Variants in MIR2052HG observed in about 807,000 individuals in gnomAD.
MIR2052HG encodes MIR2052 host gene.
At chr8:74,713,461 A>C (rs1036087863) in intron 4 of MIR2052HG, among the ~76,000 whole-genome samples, 2 of 151,926 alleles carry the variant, frequency 1.3e-5, no homozygotes, top group Non-Finnish European at 2.9e-5. Context: ...ACCTATAAGC[A>C]CTTACATTAT....
chr8:74,629,085 T>C (rs1259779931), intron 2 of MIR2052HG, among the ~76,000 whole-genome samples: 1 of 152,132 alleles, frequency 6.6e-6, no homozygotes, highest in Non-Finnish European at 1.5e-5. Flanking sequence ...GTTGGTTGCT[T>C]TCACACAGAT....
intron 2 of MIR2052HG, among the ~76,000 whole-genome samples, chr8:74,686,898 GTTTGTTCTCA>G (rs540859307): frequency 2.5e-3 from 376 of 152,192 alleles, no homozygotes; most frequent in Non-Finnish European, 4.4e-3. Context: ...TTGATAATCT[GTTTGTTCTCA>G]TTTGCAGAAT....
intron 2 of MIR2052HG, among the ~76,000 whole-genome samples, chr8:74,662,747 C>A (rs1004420179): frequency 6.6e-6 from 1 of 151,708 alleles, no homozygotes; most frequent in South Asian, 2.1e-4. Flanking sequence ...CTTATTATAG[C>A]GGTTTTCTTT....
At chr8:74,746,850 C>T (rs1273992546) in intron 4 of MIR2052HG, among the ~76,000 whole-genome samples, 1 of 151,822 alleles carries the variant, frequency 6.6e-6, no homozygotes, top group Non-Finnish European at 1.5e-5. Context: ...TCTGAAGTAG[C>T]CAACTCTGAT....
At chr8:74,693,407 G>A (rs1273023100) in intron 2 of MIR2052HG, among the ~76,000 whole-genome samples, 1 of 152,062 alleles carries the variant, frequency 6.6e-6, no homozygotes, top group Non-Finnish European at 1.5e-5. Context: ...TCGATCTAAT[G>A]TGAAGTTTCC....
intron 4 of MIR2052HG, among the ~76,000 whole-genome samples, chr8:74,718,529 A>C (rs898408214): frequency 6.6e-6 from 1 of 152,244 alleles, no homozygotes; most frequent in African/African-American, 2.4e-5. Context: ...TTTTAAAGGA[A>C]TAAACCAGAA....
chr8:74,712,800 T>C (rs569041358), intron 4 of MIR2052HG, among the ~76,000 whole-genome samples: 51 of 152,098 alleles, frequency 3.4e-4, no homozygotes, highest in Non-Finnish European at 5.1e-4. Context: ...ATGTTCTATA[T>C]GACATTGATT....
chr8:74,754,785 CT>C (rs1280960203), intron 5 of MIR2052HG, among the ~76,000 whole-genome samples: 1 of 152,150 alleles, frequency 6.6e-6, no homozygotes, highest in African/African-American at 2.4e-5. Context: ...CCAATGCTTC[CT>C]GGATGATTTG....
At chr8:74,660,644 G>C (rs1018579348) in intron 2 of MIR2052HG, among the ~76,000 whole-genome samples, 2 of 152,300 alleles carry the variant, frequency 1.3e-5, no homozygotes, top group Non-Finnish European at 2.9e-5. Flanking sequence ...ATTGGAAAGG[G>C]TGTAGAGGAC....
At chr8:74,748,088 T>C (rs1809905282) in intron 4 of MIR2052HG, among the ~76,000 whole-genome samples, 1 of 152,214 alleles carries the variant, frequency 6.6e-6, no homozygotes, top group Non-Finnish European at 1.5e-5. Flanking sequence ...TTATGAATTT[T>C]ATGGCCTTTG....
chr8:74,716,509 G>C (rs1421703127), intron 4 of MIR2052HG, among the ~76,000 whole-genome samples: 1 of 152,106 alleles, frequency 6.6e-6, no homozygotes, highest in Non-Finnish European at 1.5e-5. Context: ...TCAGGAGTTT[G>C]AGATCAGCCT....
chr8:74,673,238 CA>C (rs2128738259), intron 2 of MIR2052HG, among the ~76,000 whole-genome samples: 1 of 152,132 alleles, frequency 6.6e-6, no homozygotes, highest in Admixed American at 6.6e-5. Context: ...TCACAATAAT[CA>C]TAAGGAACAG....
intron 2 of MIR2052HG, among the ~76,000 whole-genome samples, chr8:74,654,153 T>C (rs569444352): frequency 1.3e-5 from 2 of 152,120 alleles, no homozygotes; most frequent in Non-Finnish European, 2.9e-5. Context: ...AGTAGAGATA[T>C]GCTTTTTTCT....
intron 4 of MIR2052HG, among the ~76,000 whole-genome samples, chr8:74,712,433 C>A (rs1240525710): frequency 3.3e-5 from 5 of 152,092 alleles, no homozygotes; most frequent in Non-Finnish European, 7.3e-5. Context: ...CAACTACTTA[C>A]ATGAAATCAT....
At position 74,695,954 on chromosome 8, in the gene MIR2052HG, A is replaced by G. The variant is rs552358046; in HGVS notation, n.217-6425A>G. ...CAACAAAAAACAATGGACTTAAACTATACCCTAGAACAAATTAACTTAACA... is the reference window on the plus strand; with the variant it reads ...CAACAAAAAACAATGGACTTAAACTGTACCCTAGAACAAATTAACTTAACA... On this transcript the variant is annotated intron_variant and non_coding_transcript_variant, in intron 2 of 6. Coordinates refer to ENST00000523442, the Ensembl canonical transcript of MIR2052HG. Among the ~76,000 whole-genome samples, 170 of 152,260 alleles carry G rather than the reference A, an allele frequency of 1.1e-3. 1 individual carries two copies. Among genetic ancestry groups the G allele is most frequent in the African/African-American group, 3.9e-3 (164 of 41,576 alleles).
intron 2 of MIR2052HG, among the ~76,000 whole-genome samples, chr8:74,679,224 A>G (rs1809091103): frequency 6.6e-6 from 1 of 152,064 alleles, no homozygotes; most frequent in Admixed American, 6.6e-5. Flanking sequence ...CCCAGTGAGT[A>G]GTCTTTTATC....
chr8:74,627,259 C>T (rs1410856532), intron 2 of MIR2052HG, among the ~76,000 whole-genome samples: 1 of 152,216 alleles, frequency 6.6e-6, no homozygotes, highest in African/African-American at 2.4e-5. Context: ...CTCTCCCACT[C>T]CCTACTGTAA....
chr8:74,670,899 C>T (rs571251781), intron 2 of MIR2052HG, among the ~76,000 whole-genome samples: 2 of 151,948 alleles, frequency 1.3e-5, no homozygotes, highest in Middle Eastern at 6.8e-3. Context: ...TTTCTTGCTC[C>T]AACTCCTAAC....
intron 2 of MIR2052HG, among the ~76,000 whole-genome samples, chr8:74,700,031 AT>A (rs1405737517): frequency 6.6e-6 from 1 of 152,186 alleles, no homozygotes; most frequent in African/African-American, 2.4e-5. Flanking sequence ...ATCTCATTTA[AT>A]TCTTCTAACA....
Sources: gnomAD v4.1 joint callset for allele counts (sites outside exome capture counted in the v4.1 genomes callset) on GRCh38, gnomAD v4.1.1 for gene constraint, MANE v1.5 for transcripts, NCBI Gene and HGNC (gene_info 2026-07-23, HGNC 2026-07-21) for gene names.